The following THRB variants were observed in gnomAD, a reference collection of about 807,000 sequenced individuals.
THRB encodes the protein nuclear receptor subfamily 1 group A member 2.
A neutral mutation model predicts 47.8 loss-of-function variants in THRB; 12 were observed. That is an observed-to-expected ratio of 0.25 (90% CI 0.16 to 0.41). The LOEUF is 0.41. Among genes scored for constraint, THRB ranks in the 10% least tolerant of loss-of-function variants. The pLI is 1.00. For missense variants in THRB, 348 were observed against 589.2 expected (o/e 0.59, Z 4.24); for synonymous variants, 218 against 212.2 (o/e 1.03, Z -0.24).
At chr3:24,147,168 G>A (rs1296566994) in intron 6 of THRB, among the ~76,000 whole-genome samples, 1 of 151,940 alleles carries the variant, frequency 6.6e-6, no homozygotes, top group Non-Finnish European at 1.5e-5. Context: ...TGACATAATT[G>A]TGTTGCTAAA....
intron 1 of THRB, among the ~76,000 whole-genome samples, chr3:24,453,823 C>T (rs1346041415): frequency 1.3e-5 from 2 of 152,132 alleles, no homozygotes; most frequent in African/African-American, 2.4e-5. Context: ...CATCTTTAAA[C>T]CCAGCAAATT....
chr3:24,186,911 C>G (rs1161719487), intron 5 of THRB, among the ~76,000 whole-genome samples: 1 of 133,956 alleles, frequency 7.5e-6, no homozygotes, highest in Non-Finnish European at 1.5e-5. Context: ...CGCCACTGCA[C>G]TCCATCCTGG....
rs541746428 is a variant in THRB, at chr3:24,347,359, C to T, written c.-260-9988G>A. Among the ~76,000 whole-genome samples the T allele has an allele frequency of 4.9e-4, 75 of 151,682 alleles. 1 individual carries two copies. The South Asian group carries it at 0.014, about 29-fold the overall frequency. ...ATTTCAAGAAGCCCTAAAAATAATA[C>T]CATATTAGGGTCAACAAAAGTGGAA... On this transcript the variant is annotated intron_variant, in intron 1 of 10. Coordinates refer to ENST00000646209, the MANE Select transcript of THRB (RefSeq NM_001354712.2).
Position 24,127,496 on chromosome 3 carries a change from C to T in THRB, c.1144+3G>A, listed in dbSNP as rs750405806. 8 of 1,614,170 alleles carry T rather than the reference C, an allele frequency of 5.0e-6. No individual in the cohort carries two copies. Among genetic ancestry groups the T allele is most frequent in the Middle Eastern group, 3.3e-4 (2 of 6,060 alleles). On this transcript the variant is annotated splice_donor_region_variant and intron_variant, in intron 10 of 10. Coordinates refer to ENST00000646209, the MANE Select transcript of THRB (RefSeq NM_001354712.2). ...GCCCACTAACGAGTCTAGGCGTACT[C>T]ACCTGAAGACATCAGCAGGACGGCC...
chr3:24,205,292 A>G (rs2045184458), intron 4 of THRB, among the ~76,000 whole-genome samples: 1 of 152,256 alleles, frequency 6.6e-6, no homozygotes, highest in Non-Finnish European at 1.5e-5. Flanking sequence ...CCATCAGACT[A>G]ATAGCAGATC....
chr3:24,141,845 T>C (rs756396852), intron 8 of THRB, among the ~76,000 whole-genome samples: 1 of 152,204 alleles, frequency 6.6e-6, no homozygotes, highest in Non-Finnish European at 1.5e-5. Context: ...TTCTACAATG[T>C]CCATTTATGG....
At chr3:24,272,372 A>AACAACAAC (rs758147246) in intron 3 of THRB, among the ~76,000 whole-genome samples, 3 of 96,118 alleles carry the variant, frequency 3.1e-5, no homozygotes, top group African/African-American at 1.0e-4. Context: ...CAACAACAAC[A>AACAACAAC]AACAAAAACA....
At chr3:24,429,597 G>A (rs140970866) in intron 1 of THRB, among the ~76,000 whole-genome samples, 2 of 152,042 alleles carry the variant, frequency 1.3e-5, no homozygotes, top group African/African-American at 4.8e-5. Context: ...CAATTGAATG[G>A]TTGTAGATAG....
intron 2 of THRB, among the ~76,000 whole-genome samples, chr3:24,320,925 C>A (rs2058444078): frequency 6.6e-6 from 1 of 152,080 alleles, no homozygotes; most frequent in Non-Finnish European, 1.5e-5. Context: ...AGGAAGCTAG[C>A]AAAGAAGATG....
At chr3:24,134,610 C>T (rs1475835802) in intron 8 of THRB, among the ~76,000 whole-genome samples, 2 of 152,186 alleles carry the variant, frequency 1.3e-5, no homozygotes, top group Non-Finnish European at 2.9e-5. Context: ...TCCACACCTC[C>T]TCACCCCTAC....
In THRB at chr3:24,401,000, G is replaced by A. The variant is rs1266158810; in HGVS notation, c.-260-63629C>T. Among the ~76,000 whole-genome samples, 5 of 152,096 alleles carry A rather than the reference G, an allele frequency of 3.3e-5. No individual in the cohort carries two copies. The South Asian group carries it at 6.2e-4, about 19-fold the overall frequency. ...AAAATGAGGGCCAGATGAAAATGGT[G>A]CAGAGACATGAATAACCCAAAGTGT... On this transcript the variant is annotated intron_variant, in intron 1 of 10. Coordinates refer to ENST00000646209, the MANE Select transcript of THRB (RefSeq NM_001354712.2).
chr3:24,255,483 C>G (rs934978054), intron 3 of THRB, among the ~76,000 whole-genome samples: 3 of 152,096 alleles, frequency 2.0e-5, no homozygotes, highest in African/African-American at 7.2e-5. Context: ...AAAATTAAAG[C>G]TATGTGTCAT....
At chr3:24,250,049 G>A (rs1338046804) in intron 3 of THRB, among the ~76,000 whole-genome samples, 2 of 152,108 alleles carry the variant, frequency 1.3e-5, no homozygotes, top group African/African-American at 2.4e-5. Context: ...GTTAGTTGCT[G>A]GGCACAGAAA....
At chr3:24,417,572 C>T (rs910013807) in intron 1 of THRB, among the ~76,000 whole-genome samples, 2 of 151,712 alleles carry the variant, frequency 1.3e-5, no homozygotes, top group Non-Finnish European at 2.9e-5. Flanking sequence ...ATAATGTTAG[C>T]GTATTAGTAA....
chr3:24,319,877 G>T (rs1036669371), intron 2 of THRB, among the ~76,000 whole-genome samples: 1 of 152,180 alleles, frequency 6.6e-6, no homozygotes, highest in Non-Finnish European at 1.5e-5. Context: ...TGTTCCAGTG[G>T]AACTGGCATG....
At chr3:24,277,755 C>T (rs1002838598) in intron 3 of THRB, among the ~76,000 whole-genome samples, 4 of 152,152 alleles carry the variant, frequency 2.6e-5, no homozygotes, top group Non-Finnish European at 5.9e-5. Context: ...TCAGCTGCTG[C>T]CTTCTGGATG....
intron 1 of THRB, among the ~76,000 whole-genome samples, chr3:24,374,218 A>G (rs1214913502): frequency 6.6e-6 from 1 of 151,588 alleles, no homozygotes; most frequent in Non-Finnish European, 1.5e-5. Context: ...GTACTATGCT[A>G]TATTAATGTA....
At chr3:24,476,520 G>A (rs532158375) in intron 1 of THRB, among the ~76,000 whole-genome samples, 22 of 152,198 alleles carry the variant, frequency 1.4e-4, no homozygotes, top group Non-Finnish European at 2.2e-4. Flanking sequence ...CTAAATGAGT[G>A]TTGAAGAAAT....
Position 24,480,910 on chromosome 3 carries a change from A to G in THRB, c.-261+13742T>C, listed in dbSNP as rs73823329. On this transcript the variant is annotated intron_variant, in intron 1 of 10. Transcript: ENST00000646209. Reference sequence around the variant, plus strand: ...GTCCAGTGAGTTCCTCCTATCAGTGAAAAGAAAATTTAAAAAGCGATGGAG... The same window carrying G: ...GTCCAGTGAGTTCCTCCTATCAGTGGAAAGAAAATTTAAAAAGCGATGGAG... 7.1e-3 allele frequency among the ~76,000 whole-genome samples: 1,082 copies of G among 152,294 alleles called. 12 individuals are homozygous for G. The highest frequency in any genetic ancestry group is 0.02 in the African/African-American group (820 of 41,562).
Sources: allele counts gnomAD v4.1 joint callset (sites outside exome capture counted in the v4.1 genomes callset), GRCh38; gene constraint gnomAD v4.1.1; transcripts MANE v1.5; gene names NCBI Gene and HGNC (gene_info 2026-07-23, HGNC 2026-07-21).